APBB2: variants seen among roughly 807,000 people sequenced by gnomAD.
APBB2 encodes Fe65-like 1.
In APBB2, 38 loss-of-function variants were observed where a neutral mutation model predicts 82.5. The observed-to-expected ratio is 0.46, with a 90% CI of 0.36 to 0.60. The LOEUF (loss-of-function observed/expected upper bound fraction) is 0.60. APBB2 is among the 20% of genes least tolerant of loss of function. The pLI is 0.00. For missense variants in APBB2, 772 were observed against 972.3 expected, an observed-to-expected ratio of 0.79 and a Z score of 2.74; for synonymous variants, 341 against 368.2, an observed-to-expected ratio of 0.93 and a Z score of 0.85.
chr4:40,890,764 C>T, intron 11 of APBB2: 2 of 330,028 alleles, frequency 6.1e-6, no homozygotes. Context: ...ATTTACACTT[C>T]TGAATCTTTA....
chr4:41,193,678 C>T, intron 1 of APBB2: 7 of 429,042 alleles, frequency 1.6e-5, no homozygotes, highest in Non-Finnish European at 1.6e-5. Context: ...AGAACCACCA[C>T]TGCTGCTGTT....
chr4:41,068,197 G>A (rs755296695), intron 3 of APBB2, among the ~76,000 whole-genome samples: 15 of 152,124 alleles, frequency 9.9e-5, no homozygotes, highest in African/African-American at 2.4e-4. Flanking sequence ...CATATGTACC[G>A]ATGATAAAGT....
intron 10 of APBB2, among the ~76,000 whole-genome samples, chr4:40,930,813 T>C (rs1012918579): frequency 1.3e-5 from 2 of 152,252 alleles, no homozygotes; most frequent in Non-Finnish European, 2.9e-5. Flanking sequence ...AGTGGCACAA[T>C]CTCGGCTCAC....
chr4:40,875,328 T>C (rs1766614710), intron 12 of APBB2, among the ~76,000 whole-genome samples: 1 of 152,192 alleles, frequency 6.6e-6, no homozygotes, highest in Non-Finnish European at 1.5e-5. Flanking sequence ...TGTCTTTCAA[T>C]GTCACAGTAG....
At chr4:40,939,847 C>T (rs1560334729) in intron 7 of APBB2, among the ~76,000 whole-genome samples, 1 of 150,766 alleles carries the variant, frequency 6.6e-6, no homozygotes, top group Admixed American at 6.7e-5. Context: ...TTTAATCACA[C>T]AAACATAATT....
intron 6 of APBB2, among the ~76,000 whole-genome samples, chr4:40,959,119 T>A (rs1394592598): frequency 6.6e-6 from 1 of 152,216 alleles, no homozygotes; most frequent in Non-Finnish European, 1.5e-5. Flanking sequence ...CAGAAAGATC[T>A]ATGATTATAT....
At chr4:41,195,203 T>G in intron 1 of APBB2, among the ~76,000 whole-genome samples, 1 of 152,144 alleles carries the variant, frequency 6.6e-6, no homozygotes, top group Non-Finnish European at 1.5e-5. Flanking sequence ...TAAGTCCAAC[T>G]GCCCAGTCCA....
intron 1 of APBB2, among the ~76,000 whole-genome samples, chr4:41,210,472 G>A (rs1779047873): frequency 6.6e-6 from 1 of 152,142 alleles, no homozygotes; most frequent in South Asian, 2.1e-4. Flanking sequence ...CTTTATTATG[G>A]AGAGTCTGTT....
intron 10 of APBB2, among the ~76,000 whole-genome samples, chr4:40,927,713 C>A (rs1406219366): frequency 6.6e-6 from 1 of 152,152 alleles, no homozygotes; most frequent in Non-Finnish European, 1.5e-5. Flanking sequence ...AACTCCTGGG[C>A]TCAAGAGATC....
chr4:40,849,583 C>T (rs1214797030), intron 12 of APBB2, among the ~76,000 whole-genome samples: 4 of 152,158 alleles, frequency 2.6e-5, no homozygotes, highest in African/African-American at 9.7e-5. Flanking sequence ...CCTGCTGAGG[C>T]AGTTATGGAC....
At chr4:40,986,701 T>C (rs1244356127) in intron 6 of APBB2, among the ~76,000 whole-genome samples, 1 of 152,250 alleles carries the variant, frequency 6.6e-6, no homozygotes, top group Non-Finnish European at 1.5e-5. Flanking sequence ...TCCTGGAATC[T>C]ACTGCATTAA....
chr4:41,210,468 T>C (rs1041349459), intron 1 of APBB2, among the ~76,000 whole-genome samples: 1 of 152,164 alleles, frequency 6.6e-6, no homozygotes, highest in Non-Finnish European at 1.5e-5. Flanking sequence ...GACCCTTTAT[T>C]ATGGAGAGTC....
intron 1 of APBB2, among the ~76,000 whole-genome samples, chr4:41,164,741 G>A (rs1421317036): frequency 6.6e-6 from 1 of 152,172 alleles, no homozygotes; most frequent in African/African-American, 2.4e-5. Flanking sequence ...CATCACACTA[G>A]CTTTAACATA....
intron 6 of APBB2, among the ~76,000 whole-genome samples, chr4:40,970,854 T>G (rs1057480149): frequency 1.3e-5 from 2 of 152,164 alleles, no homozygotes; most frequent in Non-Finnish European, 2.9e-5. Context: ...ACCATCACCT[T>G]AAGTCCAGCA....
intron 5 of APBB2, among the ~76,000 whole-genome samples, chr4:41,025,376 G>A (rs114976140): frequency 6.3e-4 from 95 of 151,814 alleles, no homozygotes; most frequent in African/African-American, 2.1e-3. Context: ...GTGAGATTGC[G>A]GAGAAAAGGG....
intron 12 of APBB2, among the ~76,000 whole-genome samples, chr4:40,857,348 C>T (rs942093235): frequency 6.6e-6 from 1 of 152,236 alleles, no homozygotes; most frequent in African/African-American, 2.4e-5. Context: ...ATCCCCCACC[C>T]CAACATACTC....
intron 6 of APBB2, among the ~76,000 whole-genome samples, chr4:40,953,845 T>C (rs1225144415): frequency 6.6e-6 from 1 of 152,176 alleles, no homozygotes; most frequent in Non-Finnish European, 1.5e-5. Context: ...TCAAAGGGGC[T>C]CTGCGGCTCT....
chr4:40,985,065 GCAC>G (rs1800054198), intron 6 of APBB2, among the ~76,000 whole-genome samples: 1 of 151,820 alleles, frequency 6.6e-6, no homozygotes, highest in African/African-American at 2.4e-5. Flanking sequence ...GAACTACAAG[GCAC>G]CACCACACCC....
In APBB2 at chr4:41,137,052, C is replaced by G. The variant is rs146702685; in HGVS notation, c.-261+5935G>C. Among the ~76,000 whole-genome samples, 48 of 152,238 alleles carry G rather than the reference C, an allele frequency of 3.2e-4. No homozygotes were observed. In the East Asian group the frequency reaches 6.2e-3, roughly 20 times the overall value. ...AATCATACTAATACAAAGATAAAAACAGAATAGGTAAATATAAAAATACAG... is the reference window on the plus strand; with the variant it reads ...AATCATACTAATACAAAGATAAAAAGAGAATAGGTAAATATAAAAATACAG... On this transcript the variant is annotated intron_variant, in intron 2 of 17. Coordinates refer to ENST00000508593, the MANE Select transcript of APBB2 (RefSeq NM_004307.2).
Sources: allele counts gnomAD v4.1 joint callset (sites outside exome capture counted in the v4.1 genomes callset), GRCh38; gene constraint gnomAD v4.1.1; transcripts MANE v1.5; gene names NCBI Gene and HGNC (gene_info 2026-07-23, HGNC 2026-07-21).